Variants in EFR3A observed in about 807,000 individuals in gnomAD.
EFR3A encodes the protein EFR3 homolog A, also known as protein EFR3 homolog A.
Under a neutral mutation model 104.4 loss-of-function variants are expected in EFR3A, and 76 were observed. The observed-to-expected ratio is 0.73, with a 90% CI of 0.60 to 0.88. EFR3A has a LOEUF of 0.88. EFR3A is among the 40% of genes least tolerant of loss of function. The pLI is 0.00. For missense variants in EFR3A, 985 were observed against 1,012.5 expected, an observed-to-expected ratio of 0.97 and a Z score of 0.37; for synonymous variants, 330 against 330.0, an observed-to-expected ratio of 1.00 and a Z score of 0.00.
chr8:132,010,170 A>G (rs1822256461), intron 22 of EFR3A, among the ~76,000 whole-genome samples: 1 of 151,858 alleles, frequency 6.6e-6, no homozygotes, highest in Non-Finnish European at 1.5e-5. Flanking sequence ...ACAGTGTAAA[A>G]GGCACAGTGA....
intron 1 of EFR3A, chr8:131,924,236 A>C: frequency 4.1e-6 from 1 of 246,068 alleles, no homozygotes; most frequent in East Asian, 1.4e-4. Context: ...ATACTGAGAA[A>C]TAACATTAAT....
chr8:131,905,491 A>G (rs1027233471), intron 1 of EFR3A, among the ~76,000 whole-genome samples: 1 of 152,182 alleles, frequency 6.6e-6, no homozygotes, highest in African/African-American at 2.4e-5. Context: ...TCCTGTGGCA[A>G]ATCTTTACAT....
At position 131,984,289 on chromosome 8, in the gene EFR3A, A is replaced by G. The variant is rs1428093067; in HGVS notation, c.1726A>G (p.Ile576Val). 1.9e-6 allele frequency: 3 copies of G among 1,599,008 alleles called. No homozygotes were observed. The highest frequency in any genetic ancestry group is 1.7e-5 in the Admixed American group (1 of 57,730). Residue 576 changes from isoleucine (I) to valine (V), a missense_variant, in exon 15 of 23, where the codon ATT becomes GTT. Transcript: ENST00000254624. Reference protein sequence around the residue: ...EVVIDLIRLAIALQDSAIINE... With the variant: ...EVVIDLIRLAVALQDSAIINE... The stretch of plus-strand genomic sequence containing the variant: ...AGTTATTGATCTCATTCGACTGGCC[A>G]TTGCTTTACAGGTATGCTTTCATAA...
chr8:131,969,481 A>G (rs1819931248), intron 9 of EFR3A, among the ~76,000 whole-genome samples: 1 of 150,684 alleles, frequency 6.6e-6, no homozygotes, highest in African/African-American at 2.4e-5. Flanking sequence ...TGTAAATGCT[A>G]TGTGATTAGT....
chr8:132,001,707 T>TA, intron 19 of EFR3A, 52 bp from the exon 20 acceptor site: 1 of 1,492,730 alleles, frequency 6.7e-7, no homozygotes. Context: ...GTAAAGGTGT[T>TA]ATTTATATTG....
At chr8:131,924,203 C>CA (rs1253742533) in intron 1 of EFR3A, 1 of 352,518 alleles carries the variant, frequency 2.8e-6, no homozygotes, top group African/African-American at 2.2e-5. Context: ...ATTATTTCTG[C>CA]ATACCCCATT....
intron 11 of EFR3A, 41 bp downstream of exon 11, chr8:131,976,182 A>G: frequency 7.9e-7 from 1 of 1,263,140 alleles, no homozygotes; most frequent in Non-Finnish European, 1.1e-6. Context: ...ATCTTGAGTT[A>G]CATTTTATCC....
chr8:131,934,721 GTAAT>G (rs779390716), intron 1 of EFR3A, among the ~76,000 whole-genome samples: 32 of 151,976 alleles, frequency 2.1e-4, no homozygotes, highest in Non-Finnish European at 4.3e-4. Context: ...GCTCTGTTGA[GTAAT>G]TAATTTTTTT....
chr8:131,977,196 G>T, intron 12 of EFR3A, 104 bp downstream of exon 12: 1 of 759,370 alleles, frequency 1.3e-6, no homozygotes, highest in Non-Finnish European at 2.1e-6. Flanking sequence ...GTAAGTTACT[G>T]TTTATGGTTA....
chr8:131,937,943 T>C (rs1054188779), intron 1 of EFR3A, among the ~76,000 whole-genome samples: 1 of 152,082 alleles, frequency 6.6e-6, no homozygotes, highest in African/African-American at 2.4e-5. Context: ...AGGCTTGCTT[T>C]CTTATTTAAC....
At chr8:131,961,728 G>A (rs1027725032) in intron 8 of EFR3A, among the ~76,000 whole-genome samples, 25 of 152,078 alleles carry the variant, frequency 1.6e-4, no homozygotes, top group Non-Finnish European at 2.9e-4. Flanking sequence ...GATACTCCTC[G>A]AGAAGAGCAA....
chr8:131,993,256 T>C (rs1051606530), intron 18 of EFR3A, among the ~76,000 whole-genome samples: 3 of 152,186 alleles, frequency 2.0e-5, no homozygotes, highest in African/African-American at 4.8e-5. Context: ...TAAAGATTTA[T>C]TTATTGCTCA....
chr8:131,984,493 C>T (rs1245266538), intron 15 of EFR3A, among the ~76,000 whole-genome samples, 193 bp downstream of exon 15: 1 of 152,102 alleles, frequency 6.6e-6, no homozygotes, highest in Non-Finnish European at 1.5e-5. Context: ...AACTGGTGTG[C>T]TAAATATCCT....
intron 13 of EFR3A, 46 bp from the exon 14 acceptor site, chr8:131,979,294 TATTGTA>T: frequency 7.8e-7 from 1 of 1,284,312 alleles, no homozygotes. Flanking sequence ...TAAGATGTGA[TATTGTA>T]AATAAGTGTG....
At chr8:131,942,380 C>T (rs1258279778) in intron 2 of EFR3A, among the ~76,000 whole-genome samples, 1 of 151,882 alleles carries the variant, frequency 6.6e-6, no homozygotes, top group Non-Finnish European at 1.5e-5. Context: ...CAGTAGGTAC[C>T]CAAATGCAGA....
At chr8:131,976,989 A>G in intron 11 of EFR3A, 52 bp from the exon 12 acceptor site, 1 of 1,228,850 alleles carries the variant, frequency 8.1e-7, no homozygotes, top group Non-Finnish European at 1.2e-6. Flanking sequence ...GAAGTAAATG[A>G]AGTAATATAA....
In EFR3A at chr8:132,012,058, A is replaced by G. The variant is rs1173977405; in HGVS notation, c.*1163A>G. The G allele has an allele frequency of 1.3e-5, 2 of 152,182 alleles. No individual in the cohort carries two copies. Among genetic ancestry groups the G allele is most frequent in the African/African-American group, 2.4e-5 (1 of 41,458 alleles). The allele number at this position is 152,182 out of a possible 1,614,324, so 9.4% of individuals were successfully genotyped here. ...CATTACATACATCTTAGTGAATTCT[A>G]TCACATGGTAAAATGAACAGCTTTC... On this transcript the variant is annotated 3_prime_UTR_variant, in exon 23 of 23. Coordinates refer to ENST00000254624, the MANE Select transcript of EFR3A (RefSeq NM_015137.6).
At chr8:131,983,944 A>C (rs1820744115) in intron 14 of EFR3A, among the ~76,000 whole-genome samples, 195 bp from the exon 15 acceptor site, 1 of 152,200 alleles carries the variant, frequency 6.6e-6, no homozygotes, top group Admixed American at 6.5e-5. Context: ...TTCAACTTTA[A>C]CATTAGTTTG....
At chr8:131,921,867 C>G (rs1212117779) in intron 1 of EFR3A, among the ~76,000 whole-genome samples, 1 of 152,176 alleles carries the variant, frequency 6.6e-6, no homozygotes, top group African/African-American at 2.4e-5. Flanking sequence ...TACATATCTA[C>G]TAAATATAGA....
Sources: gnomAD v4.1 joint callset for allele counts (sites outside exome capture counted in the v4.1 genomes callset) on GRCh38, gnomAD v4.1.1 for gene constraint, MANE v1.5 for transcripts, NCBI Gene and HGNC (gene_info 2026-07-23, HGNC 2026-07-21) for gene names.